Variants in RANBP17 observed in about 807,000 individuals in gnomAD.
RANBP17 encodes the protein RAN binding protein 17.
In RANBP17, 158 loss-of-function variants were observed where a neutral mutation model predicts 141.2. The ratio of observed to expected loss-of-function variants is 1.12; its 90% confidence interval spans 0.98 to 1.28. The LOEUF (loss-of-function observed/expected upper bound fraction) is 1.28. Ranked by LOEUF, RANBP17 falls within the 50% of genes most tolerant of loss-of-function variation. The pLI, the probability that RANBP17 is intolerant of heterozygous loss-of-function variation, is 0.00. For missense variants in RANBP17, 1,438 were observed against 1,290.7 expected (o/e 1.11, Z -1.75); for synonymous variants, 430 against 450.0 (o/e 0.96, Z 0.56).
intron 22 of RANBP17, among the ~76,000 whole-genome samples, chr5:171,231,648 A>G (rs1360109048): frequency 6.6e-6 from 1 of 152,246 alleles, no homozygotes; most frequent in Admixed American, 6.5e-5. Flanking sequence ...CCTTTCAACA[A>G]ATAAGAAAAA....
intron 14 of RANBP17, among the ~76,000 whole-genome samples, chr5:171,090,149 A>C (rs1786125188): frequency 1.3e-5 from 2 of 152,214 alleles, no homozygotes; most frequent in African/African-American, 4.8e-5. Context: ...AATGTGGAAG[A>C]GTTTGGAACT....
At chr5:171,136,822 T>C (rs1424555838) in intron 14 of RANBP17, among the ~76,000 whole-genome samples, 1 of 152,184 alleles carries the variant, frequency 6.6e-6, no homozygotes, top group East Asian at 1.9e-4. Context: ...AAATTCATCA[T>C]AGACTTGAAA....
intron 14 of RANBP17, among the ~76,000 whole-genome samples, chr5:170,999,671 A>G (rs1779067306): frequency 1.3e-5 from 2 of 152,206 alleles, no homozygotes; most frequent in East Asian, 3.8e-4. Context: ...TGAATTTTTA[A>G]TATAGTTGCT....
At chr5:171,055,272 G>A (rs1204802376) in intron 14 of RANBP17, among the ~76,000 whole-genome samples, 1 of 152,082 alleles carries the variant, frequency 6.6e-6, no homozygotes, top group Non-Finnish European at 1.5e-5. Context: ...GAAATCACTG[G>A]TTGGTTTACA....
intron 14 of RANBP17, among the ~76,000 whole-genome samples, chr5:171,132,506 C>G (rs1756990156): frequency 6.6e-6 from 1 of 151,838 alleles, no homozygotes; most frequent in African/African-American, 2.4e-5. Flanking sequence ...GAGGATCACT[C>G]AAGCCCAGGA....
intron 14 of RANBP17, among the ~76,000 whole-genome samples, chr5:171,009,819 AAAAG>A (rs1301805107): frequency 6.6e-6 from 1 of 152,220 alleles, no homozygotes; most frequent in Non-Finnish European, 1.5e-5. Context: ...ACATTAAAGA[AAAAG>A]AAACACTGTT....
chr5:171,178,226 G>A (rs1760639576), intron 16 of RANBP17, among the ~76,000 whole-genome samples: 1 of 129,642 alleles, frequency 7.7e-6, no homozygotes, highest in Non-Finnish European at 1.5e-5. Context: ...CTGTGTCCAT[G>A]TGTTGTCATT....
At chr5:171,108,794 C>T (rs985505196) in intron 14 of RANBP17, among the ~76,000 whole-genome samples, 1 of 152,040 alleles carries the variant, frequency 6.6e-6, no homozygotes, top group Admixed American at 6.6e-5. Context: ...CTGAATTTTG[C>T]TTTTTTGGAA....
At chr5:171,017,798 T>G (rs1010930926) in intron 14 of RANBP17, among the ~76,000 whole-genome samples, 1 of 152,226 alleles carries the variant, frequency 6.6e-6, no homozygotes, top group Non-Finnish European at 1.5e-5. Flanking sequence ...TTGCAATTGC[T>G]TTTGGCGTTT....
At chr5:171,267,032 T>TTC (rs1561814684) in intron 25 of RANBP17, among the ~76,000 whole-genome samples, 2 of 143,646 alleles carry the variant, frequency 1.4e-5, no homozygotes, top group African/African-American at 5.2e-5. Context: ...TTTTCTTTTT[T>TTC]TTTTTTTTTT....
chr5:171,029,484 A>AT (rs34365682), intron 14 of RANBP17, among the ~76,000 whole-genome samples: 2 of 152,140 alleles, frequency 1.3e-5, no homozygotes, highest in Non-Finnish European at 1.5e-5. Flanking sequence ...TAGAGCTAAC[A>AT]TTTGCACTCA....
In RANBP17 at chr5:171,242,811, A is replaced by G. The variant is rs768418139; in HGVS notation, c.2767A>G (p.Thr923Ala). The change falls in exon 24 of 28, where the codon ACT (threonine) becomes GCT (alanine). Residue 923 changes from threonine (T) to alanine (A), a missense_variant. Physicochemically the swap from Thr to Ala is moderately conservative, Grantham distance 58. Transcript: ENST00000523189. ...TCTCACATCTATCTCAGAGGGACTC[A>G]CTACTCTTGGTAAGGATCATAGAGG... is the stretch of plus-strand genomic sequence containing the variant. The part of the protein sequence containing the change: ...YVLTSISEGL[T>A]TLDTVVSSSC... The G allele has an allele frequency of 1.9e-6, 3 of 1,613,618 alleles. No homozygotes were observed. The highest frequency in any genetic ancestry group is 1.7e-5 in the Admixed American group (1 of 59,992).
chr5:171,240,863 G>A, intron 22 of RANBP17, 65 bp from the exon 23 acceptor site: 1 of 1,024,412 alleles, frequency 9.8e-7, no homozygotes, highest in Non-Finnish European at 1.5e-6. Context: ...ATGTTAAATA[G>A]TGTGTCCCAT....
intron 14 of RANBP17, among the ~76,000 whole-genome samples, chr5:171,048,007 TG>T (rs1217594152): frequency 2.0e-5 from 3 of 152,194 alleles, no homozygotes; most frequent in African/African-American, 7.2e-5. Flanking sequence ...ACAAGTCTTT[TG>T]GGCTATCTTT....
At chr5:171,028,840 C>CT (rs1581438602) in intron 14 of RANBP17, 26 of 1,150,162 alleles carry the variant, frequency 2.3e-5, no homozygotes, top group Non-Finnish European at 2.8e-5. Flanking sequence ...GCCACTGTAC[C>CT]TTTTTTTTCT....
chr5:171,035,862 G>T (rs556404310), intron 14 of RANBP17, among the ~76,000 whole-genome samples: 1 of 151,094 alleles, frequency 6.6e-6, no homozygotes, highest in South Asian at 2.1e-4. Context: ...CCGTTACCAA[G>T]GTAGAGAGCA....
At chr5:171,258,593 C>G (rs544391838) in intron 24 of RANBP17, among the ~76,000 whole-genome samples, 1 of 152,218 alleles carries the variant, frequency 6.6e-6, no homozygotes, top group Admixed American at 6.5e-5. Flanking sequence ...TTACAGCCAA[C>G]CGATCTTCAA....
intron 14 of RANBP17, among the ~76,000 whole-genome samples, chr5:171,005,278 A>C (rs1429100062): frequency 5.9e-5 from 9 of 152,190 alleles, no homozygotes; most frequent in Non-Finnish European, 1.3e-4. Context: ...AAGAGCCTGC[A>C]TTGCCAAGTC....
At chr5:171,257,071 T>C (rs1765945993) in intron 24 of RANBP17, among the ~76,000 whole-genome samples, 1 of 152,222 alleles carries the variant, frequency 6.6e-6, no homozygotes, top group Non-Finnish European at 1.5e-5. Flanking sequence ...TAACCCATTC[T>C]ATGAGGTCAC....
Sources: gnomAD v4.1 joint callset for allele counts (sites outside exome capture counted in the v4.1 genomes callset) on GRCh38, gnomAD v4.1.1 for gene constraint, MANE v1.5 for transcripts, NCBI Gene and HGNC (gene_info 2026-07-23, HGNC 2026-07-21) for gene names.